Variants in CTIF observed in about 807,000 individuals in gnomAD.
CTIF encodes the protein CBP80/20-dependent translation initiation factor.
Under a neutral mutation model 66.0 loss-of-function variants are expected in CTIF, and 21 were observed. The ratio of observed to expected loss-of-function variants is 0.32; its 90% CI spans 0.23 to 0.46. The LOEUF (loss-of-function observed/expected upper bound fraction) is 0.46. CTIF is among the 20% of genes least tolerant of loss of function. The pLI is 1.00. For synonymous variants in CTIF, 345 were observed against 326.4 expected (o/e 1.06, Z -0.62); for missense variants, 739 against 812.7 (o/e 0.91, Z 1.10).
At chr18:48,799,723 T>C (rs2068008815) in intron 9 of CTIF, among the ~76,000 whole-genome samples, 1 of 152,184 alleles carries the variant, frequency 6.6e-6, no homozygotes, top group South Asian at 2.1e-4. Flanking sequence ...ACCCAGATTA[T>C]TTCCTCCCTG....
At chr18:48,635,311 CTTTTTCT>C (rs370499169) in intron 2 of CTIF, among the ~76,000 whole-genome samples, 1 of 138,928 alleles carries the variant, frequency 7.2e-6, no homozygotes, top group Non-Finnish European at 1.6e-5. Flanking sequence ...TTTTCTTTTT[CTTTTTCT>C]TTTTCTTTCT....
At chr18:48,847,153 C>T (rs1464192818) in intron 10 of CTIF, among the ~76,000 whole-genome samples, 3 of 151,696 alleles carry the variant, frequency 2.0e-5, no homozygotes, top group African/African-American at 7.3e-5. Flanking sequence ...ACTAAAAATA[C>T]AAAAATTAGC....
intron 2 of CTIF, among the ~76,000 whole-genome samples, chr18:48,626,546 A>G (rs1180661754): frequency 1.3e-5 from 2 of 148,764 alleles, no homozygotes; most frequent in Non-Finnish European, 3.0e-5. Context: ...ACGGAGTTTC[A>G]CTATGTTGGC....
At position 48,708,080 on chromosome 18, in the gene CTIF, A is replaced by G. The variant is rs141685395; in HGVS notation, c.508-3539A>G. ...CCTCTTTATGGCCATATAATACTCCACTGTATATATGTACCATAATTTATT... is the reference window on the plus strand; with the variant it reads ...CCTCTTTATGGCCATATAATACTCCGCTGTATATATGTACCATAATTTATT... On this transcript the variant is annotated intron_variant, in intron 6 of 11. Transcript: ENST00000256413. Among the ~76,000 whole-genome samples, 18 of 152,246 alleles carry G rather than the reference A, an allele frequency of 1.2e-4. No individual in the cohort carries two copies. The East Asian group carries it at 3.5e-3, about 29-fold the overall frequency.
chr18:48,586,666 G>T (rs192740820), intron 1 of CTIF, among the ~76,000 whole-genome samples: 1 of 152,180 alleles, frequency 6.6e-6, no homozygotes, highest in African/African-American at 2.4e-5. Context: ...ACCTGTTTCT[G>T]TTGCTTCCTT....
At chr18:48,744,729 C>T (rs970560321) in intron 7 of CTIF, among the ~76,000 whole-genome samples, 1 of 152,116 alleles carries the variant, frequency 6.6e-6, no homozygotes, top group African/African-American at 2.4e-5. Context: ...AGACCTTATT[C>T]ATATTTCTCC....
intron 10 of CTIF, among the ~76,000 whole-genome samples, chr18:48,855,954 C>T (rs16950048): frequency 0.33 from 50,201 of 152,044 alleles, 9,122 homozygotes; most frequent in African/African-American, 0.48. Flanking sequence ...TGGGAAGGTT[C>T]GTGCAGACGA....
chr18:48,691,505 G>A (rs1214286524), intron 6 of CTIF, among the ~76,000 whole-genome samples: 1 of 149,966 alleles, frequency 6.7e-6, no homozygotes. Context: ...TTCCAGATTC[G>A]AGGCCTCCCA....
chr18:48,738,545 C>CT (rs2092525326), intron 7 of CTIF, among the ~76,000 whole-genome samples: 1 of 152,100 alleles, frequency 6.6e-6, no homozygotes, highest in Admixed American at 6.5e-5. Context: ...TCCCCCTCCC[C>CT]GGATTGCTCT....
intron 6 of CTIF, among the ~76,000 whole-genome samples, chr18:48,704,832 G>T (rs1370408172): frequency 6.6e-6 from 1 of 152,170 alleles, no homozygotes; most frequent in Non-Finnish European, 1.5e-5. Context: ...TAAGAATTTG[G>T]AGATCACACT....
intron 7 of CTIF, among the ~76,000 whole-genome samples, chr18:48,738,529 G>C (rs2092524343): frequency 6.6e-6 from 1 of 151,748 alleles, no homozygotes; most frequent in Non-Finnish European, 1.5e-5. Context: ...ACTTTGCACT[G>C]GCTGTTCCCC....
At chr18:48,572,445 C>T (rs565413187) in intron 1 of CTIF, among the ~76,000 whole-genome samples, 5 of 152,066 alleles carry the variant, frequency 3.3e-5, no homozygotes, top group East Asian at 1.9e-4. Flanking sequence ...GTGTGGCTAT[C>T]GGAGGTAAAG....
intron 7 of CTIF, among the ~76,000 whole-genome samples, chr18:48,752,679 T>C (rs1237550124): frequency 5.9e-5 from 9 of 152,166 alleles, no homozygotes; most frequent in Non-Finnish European, 8.8e-5. Context: ...ACCCAGCCCA[T>C]GCAACTGTGA....
intron 6 of CTIF, among the ~76,000 whole-genome samples, chr18:48,692,018 T>G (rs760497591): frequency 6.6e-6 from 1 of 152,152 alleles, no homozygotes; most frequent in Admixed American, 6.5e-5. Context: ...AGTAGCTGGA[T>G]TACAGGCGTG....
rs1000507672 is a variant in CTIF at position 48,862,585 on chromosome 18, A to G, written c.*3026A>G. 8.5e-5 allele frequency: 13 copies of G among 152,614 alleles called. No homozygotes were observed. The highest frequency in any genetic ancestry group is 1.9e-4 in the Non-Finnish European group (13 of 68,030). The allele number at this position is 152,614 out of a possible 1,614,324, so 9.5% of individuals were successfully genotyped here. ...TCGTCCTTCCTTGACCAGTCTGTAA[A>G]CCTTCACTGTTTGGGGATCGTCCTG... On this transcript the variant is annotated 3_prime_UTR_variant, in exon 12 of 12. Coordinates refer to ENST00000256413, the MANE Select transcript of CTIF (RefSeq NM_014772.3).
At chr18:48,715,070 G>A (rs1195864903) in intron 7 of CTIF, among the ~76,000 whole-genome samples, 2 of 152,254 alleles carry the variant, frequency 1.3e-5, no homozygotes, top group East Asian at 1.9e-4. Context: ...CTCCAGGGGC[G>A]GGCCGCTAGG....
chr18:48,827,150 C>T (rs958725348), intron 10 of CTIF, among the ~76,000 whole-genome samples: 6 of 152,170 alleles, frequency 3.9e-5, no homozygotes, highest in African/African-American at 1.4e-4. Context: ...TGCAGGATGA[C>T]TCCAAGAACC....
At chr18:48,852,348 C>T (rs949644011) in intron 10 of CTIF, among the ~76,000 whole-genome samples, 16 of 151,822 alleles carry the variant, frequency 1.1e-4, no homozygotes, top group Non-Finnish European at 2.2e-4. Flanking sequence ...CCTTTCCCTC[C>T]GATCCCAGTC....
At chr18:48,782,121 G>A (rs990008763) in intron 9 of CTIF, among the ~76,000 whole-genome samples, 9 of 151,702 alleles carry the variant, frequency 5.9e-5, no homozygotes, top group African/African-American at 9.7e-5. Flanking sequence ...GGTGGGTCAC[G>A]GGCCCAGCCA....
Sources: allele counts gnomAD v4.1 joint callset (sites outside exome capture counted in the v4.1 genomes callset), GRCh38; gene constraint gnomAD v4.1.1; transcripts MANE v1.5; gene names NCBI Gene and HGNC (gene_info 2026-07-23, HGNC 2026-07-21).